CDKAL1: variants seen among roughly 807,000 people sequenced by gnomAD.
CDKAL1 encodes CDKAL1 threonylcarbamoyladenosine tRNA methylthiotransferase.
CDKAL1 carries 32 observed loss-of-function variants against 68.2 expected under a neutral mutation model. That is an observed-to-expected ratio of 0.47 (90% CI 0.35 to 0.63). The LOEUF is 0.63. Ranked by LOEUF, CDKAL1 falls within the 30% of genes least tolerant of loss-of-function variation. CDKAL1 has a pLI of 0.00. For missense variants in CDKAL1, 606 were observed against 696.7 expected, an observed-to-expected ratio of 0.87 and a Z score of 1.47; for synonymous variants, 234 against 244.3, an observed-to-expected ratio of 0.96 and a Z score of 0.39.
At chr6:20,952,570 C>T (rs544579495) in intron 9 of CDKAL1, among the ~76,000 whole-genome samples, 1 of 152,240 alleles carries the variant, frequency 6.6e-6, no homozygotes, top group African/African-American at 2.4e-5. Context: ...CGGTAAGGGC[C>T]AAATAAAGGT....
intron 14 of CDKAL1, among the ~76,000 whole-genome samples, chr6:21,199,726 A>G (rs1435144924): frequency 2.0e-5 from 3 of 152,178 alleles, no homozygotes; most frequent in Admixed American, 1.3e-4. Context: ...AATAGTACCA[A>G]ATCTCCCAGG....
At chr6:20,899,429 T>C (rs963824637) in intron 9 of CDKAL1, among the ~76,000 whole-genome samples, 14 of 152,284 alleles carry the variant, frequency 9.2e-5, no homozygotes, top group Admixed American at 5.2e-4. Context: ...AGGGCATAAT[T>C]TGTCTTGTTC....
At chr6:21,160,631 A>C (rs760929315) in intron 13 of CDKAL1, among the ~76,000 whole-genome samples, 1 of 122,544 alleles carries the variant, frequency 8.2e-6, no homozygotes, top group Non-Finnish European at 1.8e-5. Context: ...TAATTTTTGG[A>C]CACAGACACA....
intron 8 of CDKAL1, among the ~76,000 whole-genome samples, chr6:20,790,479 T>C (rs1410985067): frequency 6.6e-6 from 1 of 152,138 alleles, no homozygotes; most frequent in African/African-American, 2.4e-5. Flanking sequence ...AAAGGTAGCT[T>C]GAGAATGCTT....
chr6:21,169,370 T>G lies in CDKAL1; in HGVS notation c.1300-28651T>G, dbSNP rs569937685. On this transcript the variant is annotated intron_variant, in intron 13 of 15. Coordinates refer to ENST00000274695, the MANE Select transcript of CDKAL1 (RefSeq NM_017774.3). ...CAGATCTCTGGCTGACACAGTGGCT[T>G]ATGCTTATAATCCCAGCACTTTGGG... Among the ~76,000 whole-genome samples the G allele has an allele frequency of 5.3e-5, 8 of 152,320 alleles. No individual in the cohort carries two copies. The South Asian group carries it at 1.7e-3, about 32-fold the overall frequency.
chr6:20,620,048 C>T (rs748671379), intron 4 of CDKAL1, among the ~76,000 whole-genome samples: 11 of 152,142 alleles, frequency 7.2e-5, no homozygotes, highest in Non-Finnish European at 1.3e-4. Flanking sequence ...AGCGAACTCA[C>T]GTTTAGAGAG....
intron 11 of CDKAL1, among the ~76,000 whole-genome samples, chr6:21,045,155 A>G (rs1245863305): frequency 6.6e-6 from 1 of 152,216 alleles, no homozygotes; most frequent in African/African-American, 2.4e-5. Flanking sequence ...ACTTGGCGAA[A>G]TAGCACAGAA....
intron 11 of CDKAL1, among the ~76,000 whole-genome samples, chr6:21,061,476 T>G (rs1169483028): frequency 6.6e-6 from 1 of 152,160 alleles, no homozygotes; most frequent in African/African-American, 2.4e-5. Context: ...TTTGTGGAAA[T>G]GATTATTTTA....
rs1762249379 is a variant in CDKAL1, at chr6:20,906,816, ATCAG to A, written c.743-48598_743-48595del. ...AAGTGGAAGAAGTAAGTCCCTTCTT[ATCAG>A]TCAGAGTCTGACATATACTAGAACA... On this transcript the variant is annotated intron_variant, in intron 9 of 15. Transcript: ENST00000274695. Among the ~76,000 whole-genome samples the A allele has an allele frequency of 1.3e-5, 2 of 152,316 alleles. 1 individual carries two copies. Among genetic ancestry groups the A allele is most frequent in the South Asian group, 4.2e-4 (2 of 4,788 alleles).
chr6:20,543,130 T>C (rs1381032471), intron 2 of CDKAL1, among the ~76,000 whole-genome samples: 1 of 152,236 alleles, frequency 6.6e-6, no homozygotes, highest in Non-Finnish European at 1.5e-5. Flanking sequence ...CTGTGAACAT[T>C]CATGTACAGG....
chr6:20,803,543 C>A lies in CDKAL1; in HGVS notation c.638+22278C>A, dbSNP rs544698252. Among the ~76,000 whole-genome samples the A allele has an allele frequency of 3.3e-5, 5 of 152,196 alleles. No homozygotes were observed. In the South Asian group the frequency reaches 6.2e-4, roughly 19 times the overall value. On this transcript the variant is annotated intron_variant, in intron 8 of 15. Transcript: ENST00000274695. ...GAATAATTGAGAACTAAAAATAAGC[C>A]ATTGGCGGTGATAGTAAAGTGTTCA... is the stretch of plus-strand genomic sequence containing the variant.
intron 5 of CDKAL1, among the ~76,000 whole-genome samples, chr6:20,720,865 GT>G (rs1467538625): frequency 2.0e-5 from 3 of 152,150 alleles, no homozygotes; most frequent in African/African-American, 7.2e-5. Context: ...TGTGATATTT[GT>G]CTTTTTGTGC....
chr6:21,149,714 G>A (rs1275272813), intron 13 of CDKAL1, among the ~76,000 whole-genome samples: 1 of 152,202 alleles, frequency 6.6e-6, no homozygotes, highest in Non-Finnish European at 1.5e-5. Flanking sequence ...CTGAGAGACA[G>A]TAAAGAAGCC....
rs1018282130 is a variant in CDKAL1 at position 20,647,927 on chromosome 6, T to A, written c.287-1366T>A. Among the ~76,000 whole-genome samples the A allele has an allele frequency of 3.3e-5, 5 of 150,940 alleles. No homozygotes were observed. In the South Asian group the frequency reaches 1.1e-3, roughly 32 times the overall value. ...TCATTGTTTCAACATTTTTTTTTTTTAGCTGGGCATGGTGGTGGGCGCCTG... is the reference window on the plus strand; with the variant it reads ...TCATTGTTTCAACATTTTTTTTTTTAAGCTGGGCATGGTGGTGGGCGCCTG... On this transcript the variant is annotated intron_variant, in intron 4 of 15. Coordinates refer to ENST00000274695, the MANE Select transcript of CDKAL1 (RefSeq NM_017774.3).
intron 7 of CDKAL1, among the ~76,000 whole-genome samples, chr6:20,763,448 G>T (rs902975615): frequency 6.6e-6 from 1 of 152,122 alleles, no homozygotes; most frequent in Non-Finnish European, 1.5e-5. Flanking sequence ...TCTTAGTTAT[G>T]CAGTGAGCCA....
chr6:20,891,802 G>A lies in CDKAL1; in HGVS notation c.742+45624G>A, dbSNP rs1418155512. On this transcript the variant is annotated intron_variant, in intron 9 of 15. Coordinates refer to ENST00000274695, the MANE Select transcript of CDKAL1 (RefSeq NM_017774.3). ...CCCGCCTTGGCCTCCCAAAATGCTG[G>A]GATTACAGGCGTGAGCCACGGCGCC... 2.6e-5 allele frequency among the ~76,000 whole-genome samples: 4 copies of A among 152,026 alleles called. No homozygotes were observed. The South Asian group carries it at 6.2e-4, about 24-fold the overall frequency.
At chr6:20,834,777 A>T (rs889284644) in intron 8 of CDKAL1, among the ~76,000 whole-genome samples, 1 of 152,162 alleles carries the variant, frequency 6.6e-6, no homozygotes, top group African/African-American at 2.4e-5. Context: ...TTATTGTTTG[A>T]GAGTTCTGAT....
At chr6:20,635,820 A>G (rs985459137) in intron 4 of CDKAL1, among the ~76,000 whole-genome samples, 3 of 152,228 alleles carry the variant, frequency 2.0e-5, no homozygotes, top group African/African-American at 7.2e-5. Context: ...ATTCAAATTT[A>G]TTTAAGTTTT....
intron 8 of CDKAL1, among the ~76,000 whole-genome samples, chr6:20,814,414 G>A (rs1581632071): frequency 2.0e-5 from 3 of 152,054 alleles, no homozygotes; most frequent in Admixed American, 2.0e-4. Context: ...TCCGCTTCTG[G>A]GACTATAGGC....
Sources: gnomAD v4.1 joint callset for allele counts (sites outside exome capture counted in the v4.1 genomes callset) on GRCh38, gnomAD v4.1.1 for gene constraint, MANE v1.5 for transcripts, NCBI Gene and HGNC (gene_info 2026-07-23, HGNC 2026-07-21) for gene names.